CRYBG1: variants seen among roughly 807,000 people sequenced by gnomAD.
The protein encoded by CRYBG1 is crystallin beta-gamma domain containing 1.
In CRYBG1, 139 loss-of-function variants were observed where a neutral mutation model predicts 189.2. That is an observed-to-expected ratio of 0.73 (90% CI 0.64 to 0.85). The LOEUF is 0.85. Ranked by LOEUF, CRYBG1 falls within the 40% of genes least tolerant of loss-of-function variation. The pLI is 0.00. For synonymous variants in CRYBG1, 1,023 were observed against 1,017.1 expected, an observed-to-expected ratio of 1.01 and a Z score of -0.11; for missense variants, 2,611 against 2,675.8, an observed-to-expected ratio of 0.98 and a Z score of 0.53.
intron 9 of CRYBG1, among the ~76,000 whole-genome samples, chr6:106,540,120 A>G (rs1226314614): frequency 6.6e-6 from 1 of 152,006 alleles, no homozygotes; most frequent in Non-Finnish European, 1.5e-5. Context: ...CCTCCTGAGT[A>G]TCTGCTGTGG....
At chr6:106,412,887 A>T (rs1282792909) in intron 1 of CRYBG1, among the ~76,000 whole-genome samples, 1 of 151,846 alleles carries the variant, frequency 6.6e-6, no homozygotes, top group East Asian at 1.9e-4. Context: ...AGTAAATTGA[A>T]CATTGGACAT....
intron 1 of CRYBG1, among the ~76,000 whole-genome samples, chr6:106,437,555 G>C (rs1028790404): frequency 1.5e-4 from 23 of 152,022 alleles, no homozygotes; most frequent in African/African-American, 5.3e-4. Flanking sequence ...TCCTGCCCCA[G>C]CCTCCTGAGT....
At chr6:106,408,191 A>G (rs1770860237) in intron 1 of CRYBG1, among the ~76,000 whole-genome samples, 1 of 152,232 alleles carries the variant, frequency 6.6e-6, no homozygotes. Context: ...ATGAAGGGGT[A>G]TCATCACTGA....
At chr6:106,506,714 A>G (rs1228673439) in intron 2 of CRYBG1, among the ~76,000 whole-genome samples, 1 of 152,106 alleles carries the variant, frequency 6.6e-6, no homozygotes, top group East Asian at 1.9e-4. Flanking sequence ...CGGCCTCCCA[A>G]AATGCTGGGA....
intron 8 of CRYBG1, among the ~76,000 whole-genome samples, chr6:106,537,792 T>C (rs979491195): frequency 1.2e-4 from 19 of 152,332 alleles, no homozygotes; most frequent in African/African-American, 4.6e-4. Flanking sequence ...ACTGTAGTTC[T>C]GACCTCCTAC....
At chr6:106,425,369 T>C (rs1156723738) in intron 1 of CRYBG1, among the ~76,000 whole-genome samples, 2 of 152,176 alleles carry the variant, frequency 1.3e-5, no homozygotes, top group East Asian at 3.9e-4. Flanking sequence ...ATCTTGTCAT[T>C]ACCAGCAATT....
At chr6:106,559,222 G>C (rs1476847464) in intron 18 of CRYBG1, among the ~76,000 whole-genome samples, 6 of 152,172 alleles carry the variant, frequency 3.9e-5, no homozygotes, top group African/African-American at 1.4e-4. Flanking sequence ...CTTTAAAAAA[G>C]AGCAAGTCCT....
rs759952862 is a variant in CRYBG1, at chr6:106,560,824, C to A, written c.5877C>A (p.Gly1959=). The part of the protein sequence containing the change: ...IGGIWVTYEY[G]SYRGRQFLLS... ...TCAGATGGGTTACTTATGAATATGG[C>A]AGTTACAGAGGGCGACAGTTCCTAT... The change falls in exon 19 of 22, where the codon GGC becomes GGA. Residue 1959 remains glycine, a synonymous_variant. Coordinates refer to ENST00000633556, the MANE Select transcript of CRYBG1 (RefSeq NM_001371242.2). 1.9e-6 allele frequency: 3 copies of A among 1,612,140 alleles called. No homozygotes were observed. The Admixed American group carries it at 5.0e-5, about 27-fold the overall frequency.
intron 1 of CRYBG1, among the ~76,000 whole-genome samples, chr6:106,393,437 C>G (rs1468186219): frequency 1.3e-5 from 2 of 152,144 alleles, no homozygotes; most frequent in African/African-American, 4.8e-5. Context: ...ATTCCTCCTA[C>G]AGCCGGCTTC....
chr6:106,395,338 T>C (rs1582739215), intron 1 of CRYBG1, among the ~76,000 whole-genome samples: 1 of 151,926 alleles, frequency 6.6e-6, no homozygotes, highest in African/African-American at 2.4e-5. Flanking sequence ...CATTCTTTTT[T>C]ATTTTATTAA....
At chr6:106,532,037 G>T (rs1773884791) in intron 8 of CRYBG1, among the ~76,000 whole-genome samples, 1 of 152,018 alleles carries the variant, frequency 6.6e-6, no homozygotes, top group South Asian at 2.1e-4. Context: ...ATTTTTAATT[G>T]ACACATAATA....
intron 2 of CRYBG1, among the ~76,000 whole-genome samples, chr6:106,479,969 A>C (rs1178498301): frequency 6.6e-6 from 1 of 152,156 alleles, no homozygotes; most frequent in Non-Finnish European, 1.5e-5. Context: ...TTTAGGTGTC[A>C]TAAGAAGCCA....
intron 2 of CRYBG1, among the ~76,000 whole-genome samples, chr6:106,490,127 C>G (rs7751708): frequency 0.25 from 37,466 of 152,144 alleles, 5,087 homozygotes; most frequent in Middle Eastern, 0.36. Context: ...GAATGTCTAC[C>G]TACTGTTTAG....
intron 1 of CRYBG1, among the ~76,000 whole-genome samples, chr6:106,395,260 T>G (rs1371101294): frequency 6.6e-6 from 1 of 151,404 alleles, no homozygotes; most frequent in Admixed American, 6.6e-5. Context: ...ATAAAAAAAA[T>G]AAAAAACTGC....
intron 11 of CRYBG1, 84 bp from the exon 12 acceptor site, chr6:106,544,487 T>A (rs1344114092): frequency 3.4e-6 from 5 of 1,470,176 alleles, no homozygotes; most frequent in African/African-American, 1.4e-5. Context: ...TAACTATTTG[T>A]ATTTTTCAAT....
At chr6:106,507,871 G>T (rs1415568372) in intron 2 of CRYBG1, among the ~76,000 whole-genome samples, 2 of 152,192 alleles carry the variant, frequency 1.3e-5, no homozygotes, top group African/African-American at 4.8e-5. Flanking sequence ...GATATCCACA[G>T]GGACCTGGTC....
intron 20 of CRYBG1, among the ~76,000 whole-genome samples, chr6:106,563,442 T>C (rs2114600918): frequency 6.6e-6 from 1 of 152,288 alleles, no homozygotes; most frequent in African/African-American, 2.4e-5. Context: ...CCTGGGATCA[T>C]GGTCACTTAT....
intron 2 of CRYBG1, among the ~76,000 whole-genome samples, chr6:106,455,326 T>C (rs1404650023): frequency 6.6e-6 from 1 of 152,220 alleles, no homozygotes. Context: ...ATTAACATTG[T>C]AGATTATTAT....
intron 1 of CRYBG1, among the ~76,000 whole-genome samples, chr6:106,426,755 C>T (rs953594194): frequency 3.3e-5 from 5 of 152,118 alleles, no homozygotes; most frequent in East Asian, 1.9e-4. Flanking sequence ...CAGGCATGCT[C>T]GTTAATTCTA....
Sources: gnomAD v4.1 joint callset for allele counts (sites outside exome capture counted in the v4.1 genomes callset) on GRCh38, gnomAD v4.1.1 for gene constraint, MANE v1.5 for transcripts, NCBI Gene and HGNC (gene_info 2026-07-23, HGNC 2026-07-21) for gene names.